PCOLCE2: variants seen among roughly 807,000 people sequenced by gnomAD.
The protein encoded by PCOLCE2 is procollagen C-endopeptidase enhancer 2.
A neutral mutation model predicts 47.0 loss-of-function variants in PCOLCE2; 42 were observed. The ratio of observed to expected loss-of-function variants is 0.89; its 90% CI spans 0.70 to 1.16. The LOEUF is 1.16. Among genes scored for constraint, PCOLCE2 ranks in the 50% most tolerant of loss-of-function variants. The pLI is 0.00. For missense variants in PCOLCE2, 500 were observed against 526.1 expected, an observed-to-expected ratio of 0.95 and a Z score of 0.49; for synonymous variants, 169 against 191.7, an observed-to-expected ratio of 0.88 and a Z score of 0.98.
At chr3:142,853,435 C>T (rs1034504167) in intron 2 of PCOLCE2, among the ~76,000 whole-genome samples, 1 of 152,160 alleles carries the variant, frequency 6.6e-6, no homozygotes, top group East Asian at 1.9e-4. Flanking sequence ...AGCTCAACCT[C>T]GAGGGGGCAA....
chr3:142,844,685 C>T (rs147359151), intron 3 of PCOLCE2, among the ~76,000 whole-genome samples: 17 of 152,238 alleles, frequency 1.1e-4, no homozygotes, highest in South Asian at 2.1e-4. Context: ...ATTGGCCATT[C>T]ATATTTTCCT....
At position 142,820,978 on chromosome 3, in the gene PCOLCE2, G is replaced by A. The variant is rs373123088; in HGVS notation, c.1017C>T (p.Ile339=). Residue 339 remains isoleucine (I), a synonymous_variant, in exon 8 of 9, where the codon ATC becomes ATT. Transcript: ENST00000295992. ...CCAAATTTCCCTCTTTGTAGATGTT[G>A]ATGATCGAGACTGTGGCGTGCAAAC... is the stretch of plus-strand genomic sequence containing the variant. ...DGSLHATVSI[I]NIYKEGNLAI... 3.7e-6 allele frequency: 6 copies of A among 1,613,872 alleles called. No homozygotes were observed. The African/African-American group carries it at 8.0e-5, about 22-fold the overall frequency.
At chr3:142,832,638 C>T (rs1378138754) in intron 5 of PCOLCE2, among the ~76,000 whole-genome samples, 1 of 152,148 alleles carries the variant, frequency 6.6e-6, no homozygotes, top group Admixed American at 6.5e-5. Context: ...AGCCAATTTA[C>T]TTATCTGCCT....
At chr3:142,880,248 A>G (rs553842412) in intron 2 of PCOLCE2, among the ~76,000 whole-genome samples, 88 of 152,010 alleles carry the variant, frequency 5.8e-4, no homozygotes, top group Non-Finnish European at 1.0e-3. Context: ...TAAAAAAAAA[A>G]AAAGCCCACA....
chr3:142,823,702 C>T, intron 6 of PCOLCE2, 87 bp from the exon 7 acceptor site: 1 of 759,726 alleles, frequency 1.3e-6, no homozygotes, highest in Non-Finnish European at 2.3e-6. Context: ...TTAAAATTAT[C>T]ATTTATTTCC....
intron 2 of PCOLCE2, among the ~76,000 whole-genome samples, chr3:142,872,783 A>G (rs923113522): frequency 3.3e-5 from 5 of 152,212 alleles, no homozygotes; most frequent in African/African-American, 7.2e-5. Context: ...CTGAATACAT[A>G]TCTTGGGCAA....
intron 2 of PCOLCE2, among the ~76,000 whole-genome samples, chr3:142,856,572 C>T (rs866163025): frequency 6.6e-6 from 1 of 152,064 alleles, no homozygotes; most frequent in Non-Finnish European, 1.5e-5. Flanking sequence ...AGTGGAAAGG[C>T]AAATGGGAAA....
chr3:142,824,903 C>A (rs1419558852), intron 6 of PCOLCE2, among the ~76,000 whole-genome samples: 2 of 152,214 alleles, frequency 1.3e-5, no homozygotes, highest in African/African-American at 4.8e-5. Context: ...GCTGGGATTA[C>A]AGGTGTAAGC....
At chr3:142,877,015 T>A (rs61550656) in intron 2 of PCOLCE2, among the ~76,000 whole-genome samples, 14,920 of 152,204 alleles carry the variant, frequency 0.098, 1,167 homozygotes, top group African/African-American at 0.22. Context: ...AAATACACTC[T>A]TAACCACCAT....
chr3:142,871,288 G>C (rs1933382775), intron 2 of PCOLCE2, among the ~76,000 whole-genome samples: 1 of 152,114 alleles, frequency 6.6e-6, no homozygotes, highest in East Asian at 1.9e-4. Flanking sequence ...TACAACAAAA[G>C]GCTCCCAGCT....
intron 5 of PCOLCE2, 62 bp from the exon 6 acceptor site, chr3:142,829,908 A>T: frequency 2.0e-6 from 2 of 983,136 alleles, no homozygotes; most frequent in Non-Finnish European, 3.0e-6. Context: ...CTGAAAATGT[A>T]AAATTTTCTA....
chr3:142,871,145 C>T (rs549315868), intron 2 of PCOLCE2, among the ~76,000 whole-genome samples: 1 of 152,244 alleles, frequency 6.6e-6, no homozygotes, highest in African/African-American at 2.4e-5. Context: ...TCTTTTTTCT[C>T]TTACACCCCT....
At chr3:142,824,085 T>C (rs1937045973) in intron 6 of PCOLCE2, among the ~76,000 whole-genome samples, 1 of 152,212 alleles carries the variant, frequency 6.6e-6, no homozygotes, top group Non-Finnish European at 1.5e-5. Context: ...AGAAATACTG[T>C]TCATGTGTAA....
At chr3:142,824,117 G>A (rs1242933228) in intron 6 of PCOLCE2, among the ~76,000 whole-genome samples, 1 of 152,214 alleles carries the variant, frequency 6.6e-6, no homozygotes, top group Non-Finnish European at 1.5e-5. Flanking sequence ...TCTGTAATTA[G>A]ATGCAACCCA....
chr3:142,833,763 C>CT (rs940167553), intron 5 of PCOLCE2, among the ~76,000 whole-genome samples: 3 of 151,858 alleles, frequency 2.0e-5, no homozygotes, highest in African/African-American at 4.8e-5. Context: ...CTTTTACCCC[C>CT]TTTTTTTTCC....
At chr3:142,848,860 A>G (rs1397411005) in intron 2 of PCOLCE2, among the ~76,000 whole-genome samples, 3 of 152,200 alleles carry the variant, frequency 2.0e-5, no homozygotes, top group Non-Finnish European at 2.9e-5. Context: ...ACATTTAAAA[A>G]TATCATTTCT....
chr3:142,865,470 C>T (rs1472990273), intron 2 of PCOLCE2, among the ~76,000 whole-genome samples: 1 of 152,112 alleles, frequency 6.6e-6, no homozygotes, highest in Admixed American at 6.5e-5. Context: ...AGGCAAGGAA[C>T]CCCTTACAAG....
At chr3:142,860,897 C>CCT (rs547242596) in intron 2 of PCOLCE2, among the ~76,000 whole-genome samples, 389 of 152,348 alleles carry the variant, frequency 2.6e-3, no homozygotes, top group Non-Finnish European at 4.6e-3. Flanking sequence ...TGCAGCACAG[C>CCT]TGTGGGCTGG....
chr3:142,867,099 A>G (rs1187761025), intron 2 of PCOLCE2, among the ~76,000 whole-genome samples: 2 of 152,108 alleles, frequency 1.3e-5, no homozygotes, highest in Non-Finnish European at 2.9e-5. Flanking sequence ...GGTCAAACCA[A>G]TCCCCTGGGC....
Sources: gnomAD v4.1 joint callset for allele counts (sites outside exome capture counted in the v4.1 genomes callset) on GRCh38, gnomAD v4.1.1 for gene constraint, MANE v1.5 for transcripts, NCBI Gene and HGNC (gene_info 2026-07-23, HGNC 2026-07-21) for gene names.